The following SUGCT variants were observed in gnomAD, a reference collection of about 807,000 sequenced individuals.
SUGCT encodes succinyl-CoA:glutarate CoA-transferase.
A neutral mutation model predicts 55.0 loss-of-function variants in SUGCT; 41 were observed. The observed-to-expected ratio is 0.74, with a 90% CI of 0.58 to 0.97. The LOEUF is 0.97. SUGCT is among the 50% of genes least tolerant of loss of function. The pLI, the probability that SUGCT is intolerant of heterozygous loss-of-function variation, is 0.00. For synonymous variants in SUGCT, 187 were observed against 200.4 expected (o/e 0.93, Z 0.56); for missense variants, 568 against 547.8 (o/e 1.04, Z -0.37).
chr7:40,811,916 A>G (rs954520671), intron 13 of SUGCT, among the ~76,000 whole-genome samples: 7 of 151,972 alleles, frequency 4.6e-5, no homozygotes, highest in African/African-American at 7.2e-5. Context: ...ATAGATGGCT[A>G]TGACTATTTT....
the SUGCT span, among the ~76,000 whole-genome samples, chr7:40,876,668 A>T: frequency 3.9e-5 from 6 of 152,106 alleles, no homozygotes; most frequent in East Asian, 1.2e-3. Flanking sequence ...CACCACCATA[A>T]ATCAGAGGCT....
chr7:40,498,254 A>G (rs917848344), intron 12 of SUGCT, among the ~76,000 whole-genome samples: 1 of 152,228 alleles, frequency 6.6e-6, no homozygotes, highest in Admixed American at 6.5e-5. Context: ...TCCAGATGAC[A>G]TCTAACTGTG....
the SUGCT span, among the ~76,000 whole-genome samples, chr7:40,900,606 G>C: frequency 6.6e-6 from 1 of 152,214 alleles, no homozygotes; most frequent in Non-Finnish European, 1.5e-5. Flanking sequence ...GCCTGGGCTG[G>C]GGAGTGTCAA....
chr7:40,159,797 T>C (rs1403506768), intron 1 of SUGCT, among the ~76,000 whole-genome samples: 1 of 152,146 alleles, frequency 6.6e-6, no homozygotes, highest in African/African-American at 2.4e-5. Context: ...CTTCTGTGCC[T>C]CAACAATGGT....
chr7:40,820,488 G>T (rs1185638283), intron 13 of SUGCT, among the ~76,000 whole-genome samples: 2 of 152,296 alleles, frequency 1.3e-5, no homozygotes, highest in Admixed American at 1.3e-4. Flanking sequence ...CACATCCCTT[G>T]TAAGTTGGAT....
intron 12 of SUGCT, among the ~76,000 whole-genome samples, chr7:40,654,632 A>G (rs1375321367): frequency 6.6e-6 from 1 of 152,204 alleles, no homozygotes; most frequent in Non-Finnish European, 1.5e-5. Flanking sequence ...CCTGCACTAT[A>G]TGCTTCACAC....
intron 12 of SUGCT, among the ~76,000 whole-genome samples, chr7:40,692,415 G>C (rs1266162130): frequency 6.6e-6 from 1 of 152,194 alleles, no homozygotes; most frequent in Non-Finnish European, 1.5e-5. Flanking sequence ...TCAGGTTTAG[G>C]AAGTAAGAAC....
At chr7:40,268,937 C>T (rs1038187707) in intron 7 of SUGCT, among the ~76,000 whole-genome samples, 5 of 152,134 alleles carry the variant, frequency 3.3e-5, no homozygotes, top group African/African-American at 1.2e-4. Flanking sequence ...GTGCCCAGCC[C>T]ATGCTTTCAT....
chr7:40,841,092 T>C (rs1014800343), intron 13 of SUGCT, among the ~76,000 whole-genome samples: 1 of 152,114 alleles, frequency 6.6e-6, no homozygotes, highest in Non-Finnish European at 1.5e-5. Context: ...AGACTTTTTT[T>C]TTTCTTTTAT....
intron 9 of SUGCT, among the ~76,000 whole-genome samples, chr7:40,363,961 A>C (rs559030972): frequency 2.6e-5 from 4 of 152,174 alleles, no homozygotes; most frequent in African/African-American, 9.7e-5. Flanking sequence ...ATCTCTTTGT[A>C]GGTCACTCAG....
At chr7:40,897,426 GACAC>G in the SUGCT span, among the ~76,000 whole-genome samples, 42,372 of 148,668 alleles carry the variant, frequency 0.29, 6,083 homozygotes, top group Non-Finnish European at 0.31. Context: ...AATAAAGCTG[GACAC>G]ACACACACAC....
At chr7:40,827,714 C>A (rs1792409771) in intron 13 of SUGCT, among the ~76,000 whole-genome samples, 1 of 152,146 alleles carries the variant, frequency 6.6e-6, no homozygotes, top group African/African-American at 2.4e-5. Flanking sequence ...AACTCGTTTG[C>A]CCATTCTCAG....
At chr7:40,183,444 G>C (rs1225344551) in intron 3 of SUGCT, among the ~76,000 whole-genome samples, 2 of 152,124 alleles carry the variant, frequency 1.3e-5, no homozygotes, top group Admixed American at 6.6e-5. Context: ...GGCTCGAGCA[G>C]TTCTCCTGCC....
chr7:40,423,688 G>A (rs996072488), intron 9 of SUGCT, among the ~76,000 whole-genome samples: 1 of 152,024 alleles, frequency 6.6e-6, no homozygotes, highest in African/African-American at 2.4e-5. Flanking sequence ...CCAATGTGTT[G>A]CTATCATAAA....
chr7:40,713,174 G>A (rs1291822985), intron 12 of SUGCT, among the ~76,000 whole-genome samples: 1 of 152,216 alleles, frequency 6.6e-6, no homozygotes, highest in Non-Finnish European at 1.5e-5. Context: ...TGCAAGGACA[G>A]GAGAAGCCTC....
At chr7:40,394,357 A>G (rs1459955791) in intron 9 of SUGCT, among the ~76,000 whole-genome samples, 2 of 152,180 alleles carry the variant, frequency 1.3e-5, no homozygotes, top group South Asian at 2.1e-4. Flanking sequence ...TTCGTGGTCT[A>G]TACAGTCCCT....
At chr7:40,205,180 A>T (rs139433707) in intron 6 of SUGCT, among the ~76,000 whole-genome samples, 2,535 of 151,102 alleles carry the variant, frequency 0.017, 69 homozygotes, top group African/African-American at 0.06. Context: ...GCTTGAACCC[A>T]GGAGGTGGAG....
chr7:40,337,117 T>G (rs1030697654), intron 9 of SUGCT, among the ~76,000 whole-genome samples: 2 of 152,198 alleles, frequency 1.3e-5, no homozygotes, highest in Admixed American at 6.5e-5. Context: ...TGAGAGACAG[T>G]TTGTTATAAT....
chr7:40,307,328 G>A (rs1272154057), intron 8 of SUGCT, among the ~76,000 whole-genome samples: 1 of 152,134 alleles, frequency 6.6e-6, no homozygotes, highest in East Asian at 1.9e-4. Context: ...ATATGTAGAG[G>A]TTCACCTAAT....
Sources: allele counts gnomAD v4.1 joint callset (sites outside exome capture counted in the v4.1 genomes callset), GRCh38; gene constraint gnomAD v4.1.1; transcripts MANE v1.5; gene names NCBI Gene and HGNC (gene_info 2026-07-23, HGNC 2026-07-21).